Variants in USP47 observed in about 807,000 individuals in gnomAD.
USP47 encodes the protein ubiquitin carboxyl-terminal hydrolase 47.
Under a neutral mutation model 165.1 loss-of-function variants are expected in USP47, and 35 were observed. That is an observed-to-expected ratio of 0.21 (90% CI 0.16 to 0.28). The LOEUF is 0.28. Among genes scored for constraint, USP47 ranks in the 10% least tolerant of loss-of-function variants. USP47 has a pLI of 1.00. For synonymous variants in USP47, 531 were observed against 544.5 expected (o/e 0.98, Z 0.35); for missense variants, 1,277 against 1,607.4 (o/e 0.79, Z 3.52).
chr11:11,930,175 C>T, intron 13 of USP47, 55 bp downstream of exon 13: 1 of 1,486,754 alleles, frequency 6.7e-7, no homozygotes, highest in Non-Finnish European at 9.3e-7. Context: ...TATAGCTTCT[C>T]AGTGTTTTTT....
In USP47 at chr11:11,845,621, G is replaced by C. The variant is rs956116060; in HGVS notation, c.39+3397G>C. ...TGTTTTTGTAGGTTTTGTACTATAG[G>C]TTTAAGACAGTGTCTTTCCTGGAGC... is the stretch of plus-strand genomic sequence containing the variant. On this transcript the variant is annotated intron_variant, in intron 1 of 27. Coordinates refer to ENST00000527733, the MANE Select transcript of USP47 (RefSeq NM_001282659.2). Among the ~76,000 whole-genome samples, 10 of 152,068 alleles carry C rather than the reference G, an allele frequency of 6.6e-5. No individual in the cohort carries two copies. In the South Asian group the frequency reaches 8.3e-4, roughly 13 times the overall value.
chr11:11,952,618 G>A, intron 24 of USP47, 123 bp from the exon 25 acceptor site: 1 of 1,165,346 alleles, frequency 8.6e-7, no homozygotes, highest in Non-Finnish European at 1.1e-6. Context: ...GTTTTTTCTT[G>A]TGCCCACTTT....
At chr11:11,935,786 G>A (rs1259356370) in intron 16 of USP47, among the ~76,000 whole-genome samples, 1 of 151,932 alleles carries the variant, frequency 6.6e-6, no homozygotes, top group African/African-American at 2.4e-5. Flanking sequence ...TAAGTATTCT[G>A]GAGGCTAATA....
At chr11:11,842,333 G>A in intron 1 of USP47, 109 bp downstream of exon 1, 1 of 1,278,716 alleles carries the variant, frequency 7.8e-7, no homozygotes, top group Admixed American at 2.5e-5. Flanking sequence ...GCTCGGCTGT[G>A]GGGGAATGAG....
chr11:11,938,076 G>C (rs1261472383), intron 17 of USP47, among the ~76,000 whole-genome samples, 181 bp from the exon 18 acceptor site: 1 of 151,938 alleles, frequency 6.6e-6, no homozygotes, highest in Admixed American at 6.6e-5. Context: ...CAGGAGTGCT[G>C]TGTCACCTTT....
Position 11,960,888 on chromosome 11 carries a change from A to G in USP47, c.*4713A>G, listed in dbSNP as rs1031488688. On this transcript the variant is annotated 3_prime_UTR_variant, in exon 28 of 28. Coordinates refer to ENST00000527733, the MANE Select transcript of USP47 (RefSeq NM_001282659.2). Reference sequence around the variant, plus strand: ...TTCTCTTCCTGTCTTTGTCCCTCACACTACAGCAGGCCCCTCCCTTCCCTC... The same window carrying G: ...TTCTCTTCCTGTCTTTGTCCCTCACGCTACAGCAGGCCCCTCCCTTCCCTC... 6.6e-6 allele frequency among the ~76,000 whole-genome samples: 1 copy of G among 152,132 alleles called. No homozygotes were observed. Among genetic ancestry groups the G allele is most frequent in the Admixed American group, 6.5e-5 (1 of 15,282 alleles).
At chr11:11,896,509 G>A (rs957453377) in intron 4 of USP47, among the ~76,000 whole-genome samples, 1 of 152,198 alleles carries the variant, frequency 6.6e-6, no homozygotes, top group Non-Finnish European at 1.5e-5. Context: ...GGCTCTGTTT[G>A]TATGAACTAA....
chr11:11,859,762 A>C (rs1849266577), intron 1 of USP47, among the ~76,000 whole-genome samples: 1 of 152,198 alleles, frequency 6.6e-6, no homozygotes, highest in Non-Finnish European at 1.5e-5. Flanking sequence ...GTATGGTATT[A>C]CTATAATTCA....
At chr11:11,934,888 A>C (rs1854938957) in intron 16 of USP47, among the ~76,000 whole-genome samples, 1 of 152,116 alleles carries the variant, frequency 6.6e-6, no homozygotes, top group Non-Finnish European at 1.5e-5. Flanking sequence ...CTAGAGAAAA[A>C]ATTGCATACT....
intron 25 of USP47, among the ~76,000 whole-genome samples, chr11:11,953,508 C>CA (rs1564897049): frequency 6.6e-6 from 1 of 151,306 alleles, no homozygotes; most frequent in South Asian, 2.1e-4. Flanking sequence ...TACCAGAAGC[C>CA]AAAAAAAGAA....
chr11:11,892,380 C>T (rs796778143), intron 4 of USP47, among the ~76,000 whole-genome samples: 18 of 121,104 alleles, frequency 1.5e-4, no homozygotes, highest in South Asian at 2.7e-4. Context: ...TTTTAATTTT[C>T]TTTTTTTTTT....
chr11:11,881,373 G>A (rs1850818019), intron 2 of USP47, among the ~76,000 whole-genome samples: 2 of 152,114 alleles, frequency 1.3e-5, no homozygotes, highest in Admixed American at 1.3e-4. Flanking sequence ...TGTCTGCTAC[G>A]TAGTCCAAGG....
intron 1 of USP47, among the ~76,000 whole-genome samples, chr11:11,868,317 T>C (rs1274528319): frequency 6.6e-6 from 1 of 152,206 alleles, no homozygotes; most frequent in African/African-American, 2.4e-5. Context: ...CTTTAATCCC[T>C]GGCGATCACT....
chr11:11,912,720 A>G lies in USP47; in HGVS notation c.969+7172A>G, dbSNP rs79494848. Among the ~76,000 whole-genome samples the G allele has an allele frequency of 1.7e-3, 258 of 151,986 alleles. 2 individuals are homozygous for G. The highest frequency in any genetic ancestry group is 6.0e-3 in the African/African-American group (249 of 41,490). The stretch of plus-strand genomic sequence containing the variant: ...CTGATATTAAACCAAGACAGTTCTT[A>G]AAAAAAACAGTATCCCTTATATGTG... On this transcript the variant is annotated intron_variant, in intron 8 of 27. Coordinates refer to ENST00000527733, the MANE Select transcript of USP47 (RefSeq NM_001282659.2).
At chr11:11,932,064 G>C (rs1277369731) in intron 14 of USP47, among the ~76,000 whole-genome samples, 1 of 152,176 alleles carries the variant, frequency 6.6e-6, no homozygotes, top group Non-Finnish European at 1.5e-5. Context: ...TTTGCAGGAA[G>C]CATGATGCTA....
At chr11:11,843,416 A>G (rs978286782) in intron 1 of USP47, among the ~76,000 whole-genome samples, 3 of 152,260 alleles carry the variant, frequency 2.0e-5, no homozygotes, top group Non-Finnish European at 4.4e-5. Flanking sequence ...AACTCTGTGC[A>G]AAGCAGATAA....
chr11:11,880,147 T>C, intron 1 of USP47, 30 bp from the exon 2 acceptor site: 3 of 1,406,546 alleles, frequency 2.1e-6, no homozygotes, highest in Non-Finnish European at 2.8e-6. Flanking sequence ...AAAGATAATA[T>C]ATAAAGTCAT....
intron 1 of USP47, among the ~76,000 whole-genome samples, chr11:11,845,102 C>T (rs1253791523): frequency 6.6e-6 from 1 of 152,090 alleles, no homozygotes; most frequent in East Asian, 1.9e-4. Context: ...ACAGCTATGC[C>T]ATTTATTTAG....
At chr11:11,950,146 G>T in intron 23 of USP47, 142 bp downstream of exon 23, 1 of 708,538 alleles carries the variant, frequency 1.4e-6, no homozygotes, top group Non-Finnish European at 2.3e-6. Context: ...AGTTTAATAG[G>T]ACTAAACAAG....
Sources: gnomAD v4.1 joint callset for allele counts (sites outside exome capture counted in the v4.1 genomes callset) on GRCh38, gnomAD v4.1.1 for gene constraint, MANE v1.5 for transcripts, NCBI Gene and HGNC (gene_info 2026-07-23, HGNC 2026-07-21) for gene names.